The following KDM4B variants were observed in gnomAD, a reference collection of about 807,000 sequenced individuals.
KDM4B encodes lysine demethylase 4B.
A neutral mutation model predicts 125.2 loss-of-function variants in KDM4B; 32 were observed. The ratio of observed to expected loss-of-function variants is 0.26; its 90% CI spans 0.19 to 0.34. KDM4B has a LOEUF of 0.34. Ranked by LOEUF, KDM4B falls within the 10% of genes least tolerant of loss-of-function variation. The pLI is 1.00. For missense variants in KDM4B, 1,190 were observed against 1,577.7 expected, an observed-to-expected ratio of 0.75 and a Z score of 4.16; for synonymous variants, 721 against 677.9, an observed-to-expected ratio of 1.06 and a Z score of -0.99.
rs537323320 is a variant in KDM4B, at chr19:5,082,603, C to T, written c.918+99C>T. The T allele has an allele frequency of 1.7e-5, 23 of 1,363,932 alleles. No homozygotes were observed. In the African/African-American group the frequency reaches 2.5e-4, roughly 15 times the overall value. 84.5% of individuals were successfully genotyped at this position (1,363,932 alleles called of 1,614,324 possible). The stretch of plus-strand genomic sequence containing the variant: ...CCCATAGCTGGTCCAGCAGCCGTTT[C>T]GCTCAGCCCAGGGCCTGGGCTCTCA... On this transcript the variant is annotated intron_variant, in intron 9 of 22. Transcript: ENST00000159111. This position sits in a 1 kb window ranked among gnomAD's most constrained non-coding sequence, Gnocchi z 5.4.
Position 5,114,271 on chromosome 19 carries a change from C to T in KDM4B, c.1115+3453C>T, listed in dbSNP as rs955227854. The stretch of plus-strand genomic sequence containing the variant: ...GTGCACCCGCCTCACCACAGCCTCC[C>T]TGGCCCACTGCTGCTCTGTGAGCCC... On this transcript the variant is annotated intron_variant, in intron 10 of 22. Transcript: ENST00000159111. The surrounding 1 kb of genome is among the most constrained non-coding windows in gnomAD (Gnocchi z 5.8). 29 of 1,267,916 alleles carry T rather than the reference C, an allele frequency of 2.3e-5. No homozygotes were observed. Among genetic ancestry groups the T allele is most frequent in the Admixed American group, 2.1e-4 (9 of 43,524 alleles). 78.5% of individuals were successfully genotyped at this position (1,267,916 alleles called of 1,614,324 possible).
In KDM4B at chr19:5,035,880, T is replaced by TGTGTGTGTGTGTGTGTGTGCGC. The variant is rs58219404; in HGVS notation, c.141+2850_141+2851insTGTGTGTGTGTGTGTGTGCGCG. On this transcript the variant is annotated intron_variant, in intron 3 of 22. Transcript: ENST00000159111. This position sits in a 1 kb window ranked among gnomAD's most constrained non-coding sequence, Gnocchi z 5.3. Reference sequence around the variant, plus strand: ...ACGTGTCTCTGTGTGTGTGTGTGTGTGCGCGCGCGCGCGCGCCTGCGCGCA... The same window carrying TGTGTGTGTGTGTGTGTGTGCGC: ...ACGTGTCTCTGTGTGTGTGTGTGTGTGTGTGTGTGTGTGTGTGTGCGCGCGCGCGCGCGCGCGCCTGCGCGCA... 3.2e-4 allele frequency among the ~76,000 whole-genome samples: 44 copies of TGTGTGTGTGTGTGTGTGTGCGC among 136,494 alleles called. No homozygotes were observed. The highest frequency in any genetic ancestry group is 1.2e-3 in the African/African-American group (44 of 37,894). The allele number at this position is 136,494 out of a possible 152,430, so 89.5% of individuals were successfully genotyped here. A position where few individuals can be genotyped will look rare whatever the true frequency, so the allele number is the denominator to read the frequency against.
chr19:5,008,950 G>A (rs1043977492), intron 1 of KDM4B, among the ~76,000 whole-genome samples: 2 of 127,724 alleles, frequency 1.6e-5, no homozygotes, highest in Admixed American at 9.3e-5. Flanking sequence ...GAGTTTCGCT[G>A]TGTTGCCCAG....
At chr19:5,097,523 G>C (rs2145938684) in intron 9 of KDM4B, among the ~76,000 whole-genome samples, 1 of 152,372 alleles carries the variant, frequency 6.6e-6, no homozygotes, top group Admixed American at 6.5e-5. Flanking sequence ...AAAGCACTGA[G>C]ATGACAGGCG....
rs145932615 is a variant in KDM4B at position 5,137,637 on chromosome 19, A to G, written c.2402A>G (p.Asn801Ser). ...HAWTAECCLC[N>S]LRGGALQMTT... ...TCTCCACAGGAGTGCTGCCTGTGCA[A>G]CCTGCGAGGAGGTGCGCTGCAGATG... Residue 801 changes from asparagine (N) to serine (S), a missense_variant, in exon 17 of 23, where the codon AAC becomes AGC. By Grantham distance (46) the Asn-to-Ser change is conservative. Around this residue, in one of 7 missense-constraint regions of KDM4B, gnomAD observed 298 missense variants for 439.7 expected, o/e 0.68. Coordinates refer to ENST00000159111, the MANE Select transcript of KDM4B (RefSeq NM_015015.3). 7 of 1,603,290 alleles carry G rather than the reference A, an allele frequency of 4.4e-6. No homozygotes were observed. Among genetic ancestry groups the G allele is most frequent in the Non-Finnish European group, 5.9e-6 (7 of 1,178,302 alleles).
At chr19:5,011,508 TG>T (rs2035727363) in intron 1 of KDM4B, among the ~76,000 whole-genome samples, 1 of 152,168 alleles carries the variant, frequency 6.6e-6, no homozygotes. Flanking sequence ...AGGACCTTCC[TG>T]TGGGGCTGAA....
At chr19:4,986,738 C>G (rs952685742) in intron 1 of KDM4B, among the ~76,000 whole-genome samples, 1 of 152,234 alleles carries the variant, frequency 6.6e-6, no homozygotes, top group Non-Finnish European at 1.5e-5. Context: ...ACCTGCCCAC[C>G]TTTGCAGGAT....
At chr19:5,116,752 G>A (rs532186912) in intron 10 of KDM4B, among the ~76,000 whole-genome samples, 7 of 152,290 alleles carry the variant, frequency 4.6e-5, no homozygotes, top group African/African-American at 1.2e-4. Context: ...AATGCGGCCC[G>A]AGTTGCTCTG....
At chr19:5,068,985 C>T (rs924103393) in intron 6 of KDM4B, among the ~76,000 whole-genome samples, 4 of 152,228 alleles carry the variant, frequency 2.6e-5, no homozygotes, top group Non-Finnish European at 5.9e-5. Context: ...TTCCCGTCCC[C>T]AGCATCTTCC....
At chr19:5,001,747 T>A (rs1180375044) in intron 1 of KDM4B, among the ~76,000 whole-genome samples, 1 of 152,246 alleles carries the variant, frequency 6.6e-6, no homozygotes, top group Admixed American at 6.5e-5. Context: ...GTTTCATGTC[T>A]AAATACTTGC....
intron 10 of KDM4B, chr19:5,118,971 G>T (rs371064445): frequency 1.3e-5 from 8 of 613,712 alleles, no homozygotes; most frequent in Non-Finnish European, 2.0e-5. Flanking sequence ...TCAGAGCAGC[G>T]GAGTGTGAGC....
chr19:5,089,998 A>G (rs532452967), intron 9 of KDM4B, among the ~76,000 whole-genome samples: 71 of 152,284 alleles, frequency 4.7e-4, no homozygotes, highest in Admixed American at 3.2e-3. Context: ...GTGAGACCCC[A>G]TTCTCCACAA....
In KDM4B at chr19:5,110,877, G is replaced by C. The variant is rs149500571; in HGVS notation, c.1115+59G>C. The stretch of plus-strand genomic sequence containing the variant: ...AGCATCACGGGGGGTGGCCCTGCTG[G>C]GTGGCCCAGGCCCCTTCCCACTGGC... On this transcript the variant is annotated intron_variant, in intron 10 of 22. Coordinates refer to ENST00000159111, the MANE Select transcript of KDM4B (RefSeq NM_015015.3). 4 of 1,424,972 alleles carry C rather than the reference G, an allele frequency of 2.8e-6. No homozygotes were observed. In the East Asian group the frequency reaches 7.6e-5, roughly 27 times the overall value. The allele number at this position is 1,424,972 out of a possible 1,614,324, so 88.3% of individuals were successfully genotyped here.
chr19:5,096,454 A>T (rs374172404), intron 9 of KDM4B, among the ~76,000 whole-genome samples: 1 of 152,080 alleles, frequency 6.6e-6, no homozygotes, highest in Non-Finnish European at 1.5e-5. Flanking sequence ...GTCACCTTGG[A>T]TGGGGAGCAC....
chr19:5,022,601 T>C (rs760987279), intron 2 of KDM4B, among the ~76,000 whole-genome samples: 1 of 152,178 alleles, frequency 6.6e-6, no homozygotes, highest in Non-Finnish European at 1.5e-5. Flanking sequence ...CTTAGGCCAC[T>C]GGCCACCCCC....
intron 21 of KDM4B, among the ~76,000 whole-genome samples, chr19:5,147,223 T>C (rs1255249449): frequency 1.3e-5 from 2 of 152,044 alleles, no homozygotes; most frequent in East Asian, 3.9e-4. Context: ...AACACACAAA[T>C]AGATAAATAG....
intron 2 of KDM4B, among the ~76,000 whole-genome samples, chr19:5,022,159 G>T (rs1319507248): frequency 1.3e-5 from 2 of 152,206 alleles, no homozygotes; most frequent in African/African-American, 4.8e-5. Context: ...CCTTGTGAGG[G>T]TTTTGTCTGT....
chr19:5,112,420 C>T lies in KDM4B; in HGVS notation c.1115+1602C>T, dbSNP rs181138469. 1.7e-3 allele frequency: 268 copies of T among 153,258 alleles called. 1 individual carries two copies. The highest frequency in any genetic ancestry group is 4.1e-3 in the Admixed American group (64 of 15,458). 9.5% of individuals were successfully genotyped at this position (153,258 alleles called of 1,614,324 possible). A position where few individuals can be genotyped will look rare whatever the true frequency, so the allele number is the denominator to read the frequency against. ...TGAGCAGTGACCTTCCCTCTGCAGC[C>T]ATCCAGTCTCTGCTGCCTTGATCTT... On this transcript the variant is annotated intron_variant, in intron 10 of 22. Coordinates refer to ENST00000159111, the MANE Select transcript of KDM4B (RefSeq NM_015015.3).
chr19:5,098,122 G>A (rs931238873), intron 9 of KDM4B, among the ~76,000 whole-genome samples: 1 of 152,226 alleles, frequency 6.6e-6, no homozygotes, highest in African/African-American at 2.4e-5. Context: ...TGGTGGCCAA[G>A]GGGCTTCCTC....
Sources: allele counts gnomAD v4.1 joint callset (sites outside exome capture counted in the v4.1 genomes callset), GRCh38; gene constraint gnomAD v4.1.1; regional missense constraint gnomAD v4.1.1; non-coding constraint Gnocchi (gnomAD v3.1); transcripts MANE v1.5; gene names NCBI Gene and HGNC (gene_info 2026-07-23, HGNC 2026-07-21).